TTC8: variants seen among roughly 807,000 people sequenced by gnomAD.
The protein encoded by TTC8 is tetratricopeptide repeat protein 8.
TTC8 carries 47 observed loss-of-function variants against 72.5 expected under a neutral mutation model. That is an observed-to-expected ratio of 0.65 (90% CI 0.51 to 0.83). The LOEUF (loss-of-function observed/expected upper bound fraction) is 0.83, where lower values mean the gene tolerates loss of function less well. TTC8 is among the 40% of genes least tolerant of loss of function. TTC8 has a pLI of 0.00. For missense variants in TTC8, 611 were observed against 623.2 expected (o/e 0.98, Z 0.21); for synonymous variants, 199 against 221.4 (o/e 0.90, Z 0.90).
rs529234900 is a variant in TTC8 at position 88,854,600 on chromosome 14, T to G, written c.710+1544T>G. On this transcript the variant is annotated intron_variant, in intron 8 of 14. Transcript: ENST00000380656. ...TATATTTAATGAGATATCTTGGGGA[T>G]GGGACCCAGGTTTAAAGATGAAATT... Among the ~76,000 whole-genome samples, 30 of 152,330 alleles carry G rather than the reference T, an allele frequency of 2.0e-4. No homozygotes were observed. The South Asian group carries it at 6.2e-3, about 32-fold the overall frequency.
intron 3 of TTC8, among the ~76,000 whole-genome samples, chr14:88,839,863 C>A (rs1291950347): frequency 6.6e-6 from 1 of 151,910 alleles, no homozygotes; most frequent in Non-Finnish European, 1.5e-5. Flanking sequence ...TAATTTATAC[C>A]TACATTCAAC....
At position 88,824,833 on chromosome 14, in the gene TTC8, C is replaced by A. The variant is rs372634452; in HGVS notation, c.114+12C>A. ...CCCCTTATGACCAGGTACCGGCCAG[C>A]TCCCGTCAGCCTGTGCATCCTGACG... On this transcript the variant is annotated intron_variant, in intron 1 of 14. Transcript: ENST00000380656. The A allele has an allele frequency of 1.6e-5, 25 of 1,604,614 alleles. No individual in the cohort carries two copies. Among genetic ancestry groups the A allele is most frequent in the African/African-American group, 2.7e-5 (2 of 74,758 alleles).
At chr14:88,880,722 A>T (rs2094970191), downstream of TTC8, 1 of 151,720 alleles carries the variant, frequency 6.6e-6, no homozygotes, top group Admixed American at 6.6e-5. Context: ...GCTTCAATTT[A>T]TTTCTCTCTA....
At chr14:88,866,306 C>G (rs563908854) in intron 10 of TTC8, among the ~76,000 whole-genome samples, 71 of 151,782 alleles carry the variant, frequency 4.7e-4, no homozygotes, top group African/African-American at 1.6e-3. Flanking sequence ...GTTGGCATAC[C>G]TGGGACAGAC....
chr14:88,877,491 A>T lies in TTC8; in HGVS notation c.*81A>T. ...GCACTATGTCTGTGTATGTATGTATATAGTGTAATACGTATATTTTAACAA... is the reference window on the plus strand; with the variant it reads ...GCACTATGTCTGTGTATGTATGTATTTAGTGTAATACGTATATTTTAACAA... On this transcript the variant is annotated 3_prime_UTR_variant, in exon 15 of 15. Coordinates refer to ENST00000380656, the MANE Select transcript of TTC8 (RefSeq NM_144596.4). 9.2e-7 allele frequency: 1 copy of T among 1,092,794 alleles called. No homozygotes were observed. Among genetic ancestry groups the T allele is most frequent in the Non-Finnish European group, 1.4e-6 (1 of 706,584 alleles). 67.7% of individuals were successfully genotyped at this position (1,092,794 alleles called of 1,614,324 possible). A position where few individuals can be genotyped will look rare whatever the true frequency, so the allele number is the denominator to read the frequency against.
At position 88,877,427 on chromosome 14, in the gene TTC8, A is replaced by G. The variant is rs1164204068; in HGVS notation, c.*17A>G. ...ATGCTCTGATTGTTCCTTAGACCAC[A>G]TATGTTCTTATGAAGCAGCATTATG... On this transcript the variant is annotated 3_prime_UTR_variant, in exon 15 of 15. Transcript: ENST00000380656. The G allele has an allele frequency of 3.1e-6, 5 of 1,588,138 alleles. No homozygotes were observed. The highest frequency in any genetic ancestry group is 1.1e-5 in the South Asian group (1 of 90,552).
chr14:88,877,410 A>C lies in TTC8; in HGVS notation c.1548A>C (p.Ter516CysextTer10). The C allele has an allele frequency of 6.2e-7, 1 of 1,610,696 alleles. No individual in the cohort carries two copies. The highest frequency in any genetic ancestry group is 8.5e-7 in the Non-Finnish European group (1 of 1,176,980). ...KQLRQHFAML[*>C] is the part of the protein sequence containing the mutation. ...TAAGGCAGCATTTTGCTATGCTCTG[A>C]TTGTTCCTTAGACCACATATGTTCT... Residue 516 changes from the stop codon to cysteine (C), a stop_lost, in exon 15 of 15, where the codon TGA becomes TGC. Transcript: ENST00000380656.
At chr14:88,834,834 G>A (rs533204374) in intron 2 of TTC8, among the ~76,000 whole-genome samples, 2 of 152,048 alleles carry the variant, frequency 1.3e-5, no homozygotes, top group Non-Finnish European at 2.9e-5. Context: ...TGTAGAAATG[G>A]TTTTAAAACT....
At chr14:88,825,693 A>G (rs566763267) in intron 1 of TTC8, among the ~76,000 whole-genome samples, 6 of 152,208 alleles carry the variant, frequency 3.9e-5, no homozygotes, top group African/African-American at 1.4e-4. Flanking sequence ...CTTTTCCTCT[A>G]GTGGTGTTGC....
chr14:88,852,948 T>C, intron 7 of TTC8, 23 bp from the exon 8 acceptor site: 1 of 1,595,334 alleles, frequency 6.3e-7, no homozygotes, highest in South Asian at 1.1e-5. Flanking sequence ...AAAATACTAA[T>C]CTAAAATGAA....
intron 7 of TTC8, among the ~76,000 whole-genome samples, chr14:88,850,718 T>G (rs2094829541): frequency 6.6e-6 from 1 of 152,134 alleles, no homozygotes; most frequent in Non-Finnish European, 1.5e-5. Flanking sequence ...GTCACAAATG[T>G]TTTTCTTTAG....
chr14:88,866,844 A>G lies in TTC8; in HGVS notation c.910-3215A>G, dbSNP rs147944450. Among the ~76,000 whole-genome samples, 233 of 152,300 alleles carry G rather than the reference A, an allele frequency of 1.5e-3. 2 individuals carry two copies. Among genetic ancestry groups the G allele is most frequent in the African/African-American group, 4.3e-3 (180 of 41,572 alleles). On this transcript the variant is annotated intron_variant, in intron 10 of 14. Coordinates refer to ENST00000380656, the MANE Select transcript of TTC8 (RefSeq NM_144596.4). ...GTCCAGGAGGGCAGTGTTCCACCCA[A>G]GACTCCCATACACACAATCGTGGAG...
intron 9 of TTC8, 61 bp downstream of exon 9, chr14:88,857,338 C>A: frequency 7.2e-7 from 1 of 1,386,240 alleles, no homozygotes; most frequent in Non-Finnish European, 1.0e-6. Flanking sequence ...AAATTCTGGC[C>A]ATTGCATGGG....
intron 13 of TTC8, among the ~76,000 whole-genome samples, chr14:88,872,873 G>A (rs1410953287): frequency 6.6e-6 from 1 of 152,078 alleles, no homozygotes; most frequent in Non-Finnish European, 1.5e-5. Flanking sequence ...ATCACATTCT[G>A]AGCCTGGCCA....
At chr14:88,824,585 G>T (rs1289172645), upstream of TTC8, 27 of 702,726 alleles carry the variant, frequency 3.8e-5, no homozygotes, top group Non-Finnish European at 9.8e-6. Flanking sequence ...CGCGCTGCGG[G>T]CACCTCTCGG....
intron 7 of TTC8, among the ~76,000 whole-genome samples, chr14:88,849,186 G>T (rs2094822063): frequency 6.6e-6 from 1 of 152,148 alleles, no homozygotes; most frequent in Non-Finnish European, 1.5e-5. Flanking sequence ...TTTGATGGGT[G>T]CTAGGGGTGC....
chr14:88,867,977 G>A (rs1174145026), intron 10 of TTC8, among the ~76,000 whole-genome samples: 1 of 152,164 alleles, frequency 6.6e-6, no homozygotes, highest in African/African-American at 2.4e-5. Flanking sequence ...AGGGTTTTAT[G>A]GGACTGATAA....
At chr14:88,832,895 C>T (rs564017967) in intron 1 of TTC8, among the ~76,000 whole-genome samples, 2 of 152,150 alleles carry the variant, frequency 1.3e-5, no homozygotes, top group African/African-American at 4.8e-5. Context: ...TCTGTAACTT[C>T]CATCCTTTGG....
intron 1 of TTC8, chr14:88,830,920 C>T (rs1337389788): frequency 2.2e-6 from 1 of 456,110 alleles, no homozygotes; most frequent in Middle Eastern, 3.3e-4. Context: ...TGTCCTTGGT[C>T]TCTCCACATC....
Sources: gnomAD v4.1 joint callset for allele counts (sites outside exome capture counted in the v4.1 genomes callset) on GRCh38, gnomAD v4.1.1 for gene constraint, MANE v1.5 for transcripts, NCBI Gene and HGNC (gene_info 2026-07-23, HGNC 2026-07-21) for gene names.